The following ITGBL1 variants were observed in gnomAD, a reference collection of about 807,000 sequenced individuals.
ITGBL1 encodes the protein integrin subunit beta like 1, also known as integrin beta-like protein 1.
Under a neutral mutation model 68.5 loss-of-function variants are expected in ITGBL1, and 51 were observed. That is an observed-to-expected ratio of 0.74 (90% confidence interval 0.59 to 0.94). ITGBL1 has a LOEUF of 0.94. Among genes scored for constraint, ITGBL1 ranks in the 40% least tolerant of loss-of-function variants. ITGBL1 has a pLI of 0.00. For synonymous variants in ITGBL1, 209 were observed against 227.3 expected (o/e 0.92, Z 0.72); for missense variants, 649 against 647.4 (o/e 1.00, Z -0.03).
At chr13:101,557,617 G>T (rs2050028732) in intron 2 of ITGBL1, among the ~76,000 whole-genome samples, 1 of 152,090 alleles carries the variant, frequency 6.6e-6, no homozygotes, top group African/African-American at 2.4e-5. Flanking sequence ...TAAAACAGGG[G>T]AGGTTTCACC....
intron 2 of ITGBL1, among the ~76,000 whole-genome samples, chr13:101,498,708 C>T (rs2048893884): frequency 6.6e-6 from 1 of 152,298 alleles, no homozygotes; most frequent in Non-Finnish European, 1.5e-5. Flanking sequence ...CTTAAACCTC[C>T]AGTCCTTTCT....
intron 7 of ITGBL1, among the ~76,000 whole-genome samples, chr13:101,681,661 A>G (rs1430261710): frequency 6.6e-6 from 1 of 152,260 alleles, no homozygotes; most frequent in Non-Finnish European, 1.5e-5. Flanking sequence ...AAAATCAAAG[A>G]AAGTGAGGGA....
At chr13:101,644,242 T>C (rs892614215) in intron 7 of ITGBL1, among the ~76,000 whole-genome samples, 19 of 152,190 alleles carry the variant, frequency 1.2e-4, no homozygotes, top group Admixed American at 4.6e-4. Flanking sequence ...TCACTAGATA[T>C]GTGAGTTTGT....
Position 101,598,198 on chromosome 13 carries a change from G to C in ITGBL1, c.914G>C (p.Trp305Ser). ...NCGRCDCKAG[W>S]YGKKCEHPQS... is the part of the protein sequence containing the mutation. ...GGAAGATGTGACTGCAAAGCAGGCT[G>C]GTATGGGAAGAAGTGTGAGCACCCA... is the stretch of plus-strand genomic sequence containing the variant. Residue 305 changes from tryptophan to serine, a missense_variant, in exon 7 of 11, where the codon TGG becomes TCG. Trp to Ser is a radical substitution (Grantham distance 177). Transcript: ENST00000376180. 3 of 1,613,690 alleles carry C rather than the reference G, an allele frequency of 1.9e-6. No homozygotes were observed. The highest frequency in any genetic ancestry group is 1.3e-5 in the African/African-American group (1 of 74,994).
At chr13:101,615,932 C>T (rs572194634) in intron 7 of ITGBL1, among the ~76,000 whole-genome samples, 4 of 152,242 alleles carry the variant, frequency 2.6e-5, no homozygotes, top group East Asian at 1.9e-4. Flanking sequence ...CTGCATCTTC[C>T]GGTGGCTTGA....
At chr13:101,563,482 T>A (rs1297857831) in intron 2 of ITGBL1, among the ~76,000 whole-genome samples, 1 of 151,812 alleles carries the variant, frequency 6.6e-6, no homozygotes, top group Non-Finnish European at 1.5e-5. Flanking sequence ...TCCAACACTA[T>A]GCATGTTAAA....
At chr13:101,710,474 A>G (rs1014681931) in intron 9 of ITGBL1, among the ~76,000 whole-genome samples, 1 of 152,230 alleles carries the variant, frequency 6.6e-6, no homozygotes, top group East Asian at 1.9e-4. Flanking sequence ...TGAGAACCAC[A>G]GGAAAAGTAA....
intron 7 of ITGBL1, among the ~76,000 whole-genome samples, chr13:101,642,470 G>C (rs556937694): frequency 6.6e-6 from 1 of 152,272 alleles, no homozygotes; most frequent in East Asian, 1.9e-4. Flanking sequence ...TTAGCCCTTT[G>C]TCAGGTGAGT....
chr13:101,458,109 A>G (rs2048269028), intron 2 of ITGBL1, among the ~76,000 whole-genome samples: 1 of 152,210 alleles, frequency 6.6e-6, no homozygotes, highest in Non-Finnish European at 1.5e-5. Flanking sequence ...GATGAGGGAT[A>G]GAAGGCAGCT....
intron 2 of ITGBL1, among the ~76,000 whole-genome samples, chr13:101,501,095 GT>G (rs1186525717): frequency 6.6e-6 from 1 of 152,210 alleles, no homozygotes. Flanking sequence ...AATGGGTAGA[GT>G]TTAGTTTGAT....
chr13:101,649,748 A>G (rs2032682497), intron 7 of ITGBL1, among the ~76,000 whole-genome samples: 1 of 152,096 alleles, frequency 6.6e-6, no homozygotes, highest in Non-Finnish European at 1.5e-5. Context: ...TCACCACACT[A>G]CCTTCAAGGT....
intron 7 of ITGBL1, among the ~76,000 whole-genome samples, chr13:101,625,716 C>G (rs546869199): frequency 6.6e-6 from 1 of 152,052 alleles, no homozygotes; most frequent in African/African-American, 2.4e-5. Context: ...TCATGCCCAG[C>G]TAATTTTTTG....
At chr13:101,527,082 T>TA (rs1566716251) in intron 2 of ITGBL1, among the ~76,000 whole-genome samples, 1 of 152,118 alleles carries the variant, frequency 6.6e-6, no homozygotes, top group Non-Finnish European at 1.5e-5. Flanking sequence ...GTCTCTTTTT[T>TA]AAAAAATCAC....
intron 7 of ITGBL1, among the ~76,000 whole-genome samples, chr13:101,674,105 TG>T (rs2033442118): frequency 6.6e-6 from 1 of 152,222 alleles, no homozygotes; most frequent in Admixed American, 6.5e-5. Context: ...AGCGTTTTCA[TG>T]CACAATTGCC....
At chr13:101,594,530 T>TC (rs2050710820) in intron 6 of ITGBL1, among the ~76,000 whole-genome samples, 1 of 152,106 alleles carries the variant, frequency 6.6e-6, no homozygotes, top group Non-Finnish European at 1.5e-5. Context: ...AGCAATGATT[T>TC]TTTTTTGGAT....
chr13:101,597,533 C>CT (rs2030052657), intron 6 of ITGBL1, among the ~76,000 whole-genome samples: 1 of 148,776 alleles, frequency 6.7e-6, no homozygotes, highest in African/African-American at 2.5e-5. Context: ...TCCGTTTTTT[C>CT]TTTTTTTGTT....
intron 7 of ITGBL1, among the ~76,000 whole-genome samples, chr13:101,688,524 A>G (rs1433536881): frequency 1.3e-5 from 2 of 152,228 alleles, no homozygotes; most frequent in Non-Finnish European, 2.9e-5. Context: ...AAGTTGGACC[A>G]TGTGTGGAAA....
intron 5 of ITGBL1, among the ~76,000 whole-genome samples, chr13:101,581,394 A>G (rs1191081914): frequency 1.3e-5 from 2 of 152,224 alleles, no homozygotes; most frequent in African/African-American, 4.8e-5. Flanking sequence ...AAAGTGACCC[A>G]TAAACCTAAC....
In ITGBL1 at chr13:101,452,925, C is replaced by T; in HGVS notation, c.92C>T (p.Ser31Phe). 1 of 1,613,988 alleles carries T rather than the reference C, an allele frequency of 6.2e-7. No individual in the cohort carries two copies. The highest frequency in any genetic ancestry group is 8.5e-7 in the Non-Finnish European group (1 of 1,179,842). Residue 31 changes from serine (S) to phenylalanine (F), a missense_variant, in exon 1 of 11, where the codon TCT becomes TTT. Physicochemically the swap from Ser to Phe is radical, Grantham distance 155 (BLOSUM62 -2). Transcript: ENST00000376180. ...GCTGTTCCTCAAAGCTTCTCGCCATCTCTGAGGTAAGTTTGGTTTGTTATT... is the reference window on the plus strand; with the variant it reads ...GCTGTTCCTCAAAGCTTCTCGCCATTTCTGAGGTAAGTTTGGTTTGTTATT... ...LSAVPQSFSP[S>F]LRSWPGAACR... is the part of the protein sequence containing the mutation.
Sources: allele counts gnomAD v4.1 joint callset (sites outside exome capture counted in the v4.1 genomes callset), GRCh38; gene constraint gnomAD v4.1.1; transcripts MANE v1.5; gene names NCBI Gene and HGNC (gene_info 2026-07-23, HGNC 2026-07-21).